DPYD: variants seen among roughly 807,000 people sequenced by gnomAD.
DPYD encodes dihydropyrimidine dehydrogenase, also known as dihydropyrimidine dehydrogenase [NADP(+)].
In DPYD, 109 loss-of-function variants were observed where a neutral mutation model predicts 116.2. That is an observed-to-expected ratio of 0.94 (90% CI 0.80 to 1.10). The LOEUF is 1.10. Among genes scored for constraint, DPYD ranks in the 50% least tolerant of loss-of-function variants. The pLI is 0.00. For missense variants in DPYD, 1,302 were observed against 1,254.5 expected (o/e 1.04, Z -0.57); for synonymous variants, 440 against 432.0 (o/e 1.02, Z -0.23).
At chr1:97,773,564 G>A (rs955408287) in intron 3 of DPYD, among the ~76,000 whole-genome samples, 6 of 152,058 alleles carry the variant, frequency 3.9e-5, no homozygotes, top group South Asian at 2.1e-4. Flanking sequence ...TAAAAACCCC[G>A]AGACACGAGG....
At chr1:97,341,672 G>A (rs1436843866) in intron 16 of DPYD, among the ~76,000 whole-genome samples, 3 of 152,126 alleles carry the variant, frequency 2.0e-5, no homozygotes, top group Admixed American at 6.5e-5. Flanking sequence ...CGAAGACCTG[G>A]TAAGAACAGC....
chr1:97,351,439 A>G lies in DPYD; in HGVS notation c.2058+22122T>C, dbSNP rs1264036014. ...TTAAAAATAAGCCTGATACAGGAAA[A>G]AGGTAAAGGGCAGAATCAAAGTGGC... On this transcript the variant is annotated intron_variant, in intron 16 of 22. Coordinates refer to ENST00000370192, the MANE Select transcript of DPYD (RefSeq NM_000110.4). Among the ~76,000 whole-genome samples the G allele has an allele frequency of 2.0e-5, 3 of 152,132 alleles. No individual in the cohort carries two copies. The East Asian group carries it at 5.8e-4, about 29-fold the overall frequency.
At chr1:97,481,648 C>T (rs1176138305) in intron 13 of DPYD, among the ~76,000 whole-genome samples, 3 of 151,980 alleles carry the variant, frequency 2.0e-5, no homozygotes, top group Non-Finnish European at 4.4e-5. Flanking sequence ...GTTTTACATT[C>T]TATTATGAGA....
At chr1:97,492,875 T>A (rs1200101332) in intron 13 of DPYD, among the ~76,000 whole-genome samples, 1 of 152,132 alleles carries the variant, frequency 6.6e-6, no homozygotes, top group Non-Finnish European at 1.5e-5. Context: ...GCTTCAATAT[T>A]CTAAAAAATC....
At chr1:97,837,099 A>G (rs1002880701) in intron 2 of DPYD, among the ~76,000 whole-genome samples, 3 of 152,118 alleles carry the variant, frequency 2.0e-5, no homozygotes, top group African/African-American at 4.8e-5. Context: ...TGGAGGAATA[A>G]AGGCTTTTAC....
chr1:97,483,574 G>A (rs962150892), intron 13 of DPYD, among the ~76,000 whole-genome samples: 1 of 152,056 alleles, frequency 6.6e-6, no homozygotes, highest in Non-Finnish European at 1.5e-5. Flanking sequence ...TGGGTTGTTA[G>A]GTGCAGCAAA....
chr1:97,163,619 G>A (rs138879239), intron 20 of DPYD, among the ~76,000 whole-genome samples: 5 of 152,244 alleles, frequency 3.3e-5, no homozygotes, highest in East Asian at 3.9e-4. Flanking sequence ...TCTAGATAGC[G>A]CCTTGTTGCT....
intron 1 of DPYD, among the ~76,000 whole-genome samples, chr1:97,907,321 C>T (rs1363804322): frequency 1.3e-5 from 2 of 152,050 alleles, no homozygotes; most frequent in Non-Finnish European, 2.9e-5. Flanking sequence ...TGATAACAAA[C>T]ATCTTTTCCC....
chr1:97,552,876 TA>T (rs905822706), intron 11 of DPYD, among the ~76,000 whole-genome samples: 2 of 151,778 alleles, frequency 1.3e-5, no homozygotes, highest in African/African-American at 4.8e-5. Context: ...ATTCCAGAAA[TA>T]AAAAGAAAAA....
chr1:97,392,421 T>C (rs1416046865), intron 14 of DPYD, among the ~76,000 whole-genome samples: 1 of 151,798 alleles, frequency 6.6e-6, no homozygotes, highest in Non-Finnish European at 1.5e-5. Flanking sequence ...GTGGTGGGAT[T>C]ATAGCTTACC....
chr1:97,265,527 G>C (rs763738509), intron 18 of DPYD: 1 of 152,088 alleles, frequency 6.6e-6, no homozygotes, highest in Admixed American at 6.6e-5. Context: ...TTGAATCAGA[G>C]CATTTTAACA....
At chr1:97,266,666 C>A (rs897848206) in intron 18 of DPYD, among the ~76,000 whole-genome samples, 7 of 152,120 alleles carry the variant, frequency 4.6e-5, no homozygotes, top group Non-Finnish European at 1.0e-4. Flanking sequence ...TCTCCTAATG[C>A]TATCCCTCCC....
chr1:97,175,902 A>T (rs997030960), intron 20 of DPYD, among the ~76,000 whole-genome samples: 1 of 152,190 alleles, frequency 6.6e-6, no homozygotes, highest in Non-Finnish European at 1.5e-5. Context: ...TCAACAGCTG[A>T]ATATTCTATA....
chr1:97,208,638 A>C (rs1240740311), intron 19 of DPYD, among the ~76,000 whole-genome samples: 2 of 152,028 alleles, frequency 1.3e-5, no homozygotes, highest in Non-Finnish European at 2.9e-5. Context: ...CTATTACTCA[A>C]AAACTACCTA....
At chr1:97,446,662 T>G (rs898487680) in intron 14 of DPYD, among the ~76,000 whole-genome samples, 1 of 152,166 alleles carries the variant, frequency 6.6e-6, no homozygotes, top group Non-Finnish European at 1.5e-5. Context: ...CTACTTTAAC[T>G]GCCACAAATG....
chr1:97,241,349 A>G (rs1323796902), intron 18 of DPYD, among the ~76,000 whole-genome samples: 1 of 151,996 alleles, frequency 6.6e-6, no homozygotes. Flanking sequence ...ACACTGAGGC[A>G]GGGGCTTCAT....
chr1:97,251,935 T>C (rs999938322), intron 18 of DPYD, among the ~76,000 whole-genome samples: 6 of 152,148 alleles, frequency 3.9e-5, no homozygotes, highest in Non-Finnish European at 7.4e-5. Flanking sequence ...ACAAGTATTG[T>C]TAACATATAA....
intron 16 of DPYD, among the ~76,000 whole-genome samples, chr1:97,348,304 G>C (rs999268219): frequency 2.6e-5 from 4 of 152,030 alleles, no homozygotes; most frequent in Non-Finnish European, 4.4e-5. Context: ...CAATAACAAG[G>C]GATTGAATGC....
At chr1:97,497,345 T>C (rs1011887673) in intron 13 of DPYD, among the ~76,000 whole-genome samples, 13 of 151,914 alleles carry the variant, frequency 8.6e-5, no homozygotes, top group Admixed American at 2.0e-4. Context: ...AAAGAACCTA[T>C]ATAACTAGCT....
Sources: gnomAD v4.1 joint callset for allele counts (sites outside exome capture counted in the v4.1 genomes callset) on GRCh38, gnomAD v4.1.1 for gene constraint, MANE v1.5 for transcripts, NCBI Gene and HGNC (gene_info 2026-07-23, HGNC 2026-07-21) for gene names.